The following OSBPL6 variants were observed in gnomAD, a reference collection of about 807,000 sequenced individuals.
OSBPL6 encodes oxysterol binding protein like 6.
Under a neutral mutation model 125.8 loss-of-function variants are expected in OSBPL6, and 49 were observed. The observed-to-expected ratio is 0.39, with a 90% CI of 0.31 to 0.49. The LOEUF is 0.49. OSBPL6 is among the 20% of genes least tolerant of loss of function. The pLI is 0.88. For missense variants in OSBPL6, 986 were observed against 1,135.4 expected (o/e 0.87, Z 1.89); for synonymous variants, 394 against 391.8 (o/e 1.01, Z -0.07).
intron 12 of OSBPL6, among the ~76,000 whole-genome samples, chr2:178,351,731 A>T (rs1330134648): frequency 6.6e-6 from 1 of 152,222 alleles, no homozygotes; most frequent in Admixed American, 6.5e-5. Context: ...CAGCAAACTG[A>T]CGCAGGAACA....
intron 1 of OSBPL6, among the ~76,000 whole-genome samples, chr2:178,278,977 G>T (rs1333334500): frequency 6.6e-6 from 1 of 152,202 alleles, no homozygotes; most frequent in Non-Finnish European, 1.5e-5. Context: ...TGTAGAAATG[G>T]TGTGAGCATT....
At chr2:178,348,103 T>C (rs149647042) in intron 11 of OSBPL6, among the ~76,000 whole-genome samples, 8 of 152,302 alleles carry the variant, frequency 5.3e-5, no homozygotes, top group East Asian at 1.9e-4. Flanking sequence ...CCTCTTCTCC[T>C]TCCCCCTTTC....
intron 11 of OSBPL6, chr2:178,344,223 C>G (rs1470922690): frequency 1.5e-6 from 2 of 1,364,070 alleles, no homozygotes; most frequent in African/African-American, 2.9e-5. Flanking sequence ...TTTCATCCTC[C>G]CATCTTCCAT....
At chr2:178,203,650 C>T (rs182438851) in intron 1 of OSBPL6, among the ~76,000 whole-genome samples, 1 of 152,200 alleles carries the variant, frequency 6.6e-6, no homozygotes, top group African/African-American at 2.4e-5. Flanking sequence ...GGGAATTTTA[C>T]CTTGTTGGGT....
intron 2 of OSBPL6, among the ~76,000 whole-genome samples, chr2:178,296,328 C>A (rs949039371): frequency 6.6e-6 from 1 of 152,122 alleles, no homozygotes; most frequent in Non-Finnish European, 1.5e-5. Context: ...TTATTACTAT[C>A]CCTGTTTTAT....
chr2:178,236,049 T>G (rs548253337), intron 1 of OSBPL6, among the ~76,000 whole-genome samples: 1 of 152,316 alleles, frequency 6.6e-6, no homozygotes, highest in South Asian at 2.1e-4. Flanking sequence ...TAGACTTTTT[T>G]TTTACAAGTT....
Position 178,385,488 on chromosome 2 carries a change from C to T in OSBPL6, c.2044C>T (p.His682Tyr). The T allele has an allele frequency of 6.2e-7, 1 of 1,611,588 alleles. No individual in the cohort carries two copies. The highest frequency in any genetic ancestry group is 1.1e-5 in the South Asian group (1 of 90,990). Residue 682 changes from histidine (H) to tyrosine (Y), a missense_variant, in exon 19 of 25, where the codon CAC becomes TAC. Transcript: ENST00000190611. ...CCATCATCCACCCATTTCTGCCTGT[C>T]ACTGTGAATCAAAGAATTTTGTGTT... is the stretch of plus-strand genomic sequence containing the variant. ...VSHHPPISAC[H>Y]CESKNFVFWQ...
intron 2 of OSBPL6, among the ~76,000 whole-genome samples, chr2:178,286,980 T>G (rs1482376747): frequency 6.6e-6 from 1 of 152,130 alleles, no homozygotes; most frequent in Non-Finnish European, 1.5e-5. Context: ...TGCGTAATGT[T>G]TCTGTCAATT....
intron 3 of OSBPL6, among the ~76,000 whole-genome samples, chr2:178,317,292 A>G (rs1233295688): frequency 6.6e-6 from 1 of 151,190 alleles, no homozygotes; most frequent in East Asian, 1.9e-4. Context: ...GAAGGATATT[A>G]TGCCACATAG....
chr2:178,252,807 T>A (rs2091744463), intron 1 of OSBPL6, among the ~76,000 whole-genome samples: 1 of 152,162 alleles, frequency 6.6e-6, no homozygotes, highest in South Asian at 2.1e-4. Flanking sequence ...TGAAATAACT[T>A]CATGATACAA....
intron 14 of OSBPL6, 126 bp downstream of exon 14, chr2:178,372,359 A>T: frequency 1.6e-6 from 1 of 620,488 alleles, no homozygotes; most frequent in Non-Finnish European, 2.7e-6. Flanking sequence ...TATTTGTGTC[A>T]CTGACAGTTC....
At chr2:178,344,628 T>A (rs539177614) in intron 11 of OSBPL6, among the ~76,000 whole-genome samples, 233 of 152,216 alleles carry the variant, frequency 1.5e-3, no homozygotes, top group Non-Finnish European at 2.6e-3. Context: ...CAAAATTGAG[T>A]ACAGTGCCCC....
At chr2:178,218,038 G>A (rs868123009) in intron 1 of OSBPL6, among the ~76,000 whole-genome samples, 1 of 152,132 alleles carries the variant, frequency 6.6e-6, no homozygotes, top group Non-Finnish European at 1.5e-5. Context: ...GACGTTCTTT[G>A]TACTGTTCTG....
chr2:178,373,781 G>A (rs569642303), intron 14 of OSBPL6, 109 bp from the exon 15 acceptor site: 9 of 1,366,708 alleles, frequency 6.6e-6, no homozygotes, highest in South Asian at 6.0e-5. Flanking sequence ...GCTTGTGGCT[G>A]CCACTTTTTA....
chr2:178,203,764 T>G (rs1410177106), intron 1 of OSBPL6, among the ~76,000 whole-genome samples: 1 of 152,228 alleles, frequency 6.6e-6, no homozygotes, highest in Non-Finnish European at 1.5e-5. Context: ...GCTTTAAGAT[T>G]TGTTTAGTGG....
chr2:178,235,097 G>A (rs892092403), intron 1 of OSBPL6, among the ~76,000 whole-genome samples: 1 of 152,112 alleles, frequency 6.6e-6, no homozygotes, highest in Admixed American at 6.5e-5. Flanking sequence ...TAATAAATGG[G>A]TTATTTGTTA....
intron 1 of OSBPL6, among the ~76,000 whole-genome samples, chr2:178,236,566 A>G (rs1013395706): frequency 6.6e-6 from 1 of 152,192 alleles, no homozygotes; most frequent in Non-Finnish European, 1.5e-5. Context: ...TACCACCAGC[A>G]TGTGCTGTGG....
chr2:178,274,051 T>C (rs1017608555), intron 1 of OSBPL6, among the ~76,000 whole-genome samples: 4 of 152,206 alleles, frequency 2.6e-5, no homozygotes, highest in Non-Finnish European at 5.9e-5. Flanking sequence ...GAGATGCCCA[T>C]TGATTTGCTG....
chr2:178,380,619 A>C (rs1413914505), intron 15 of OSBPL6, among the ~76,000 whole-genome samples: 17 of 152,120 alleles, frequency 1.1e-4, no homozygotes, highest in Admixed American at 1.1e-3. Flanking sequence ...TCAGGAGAGC[A>C]ATTTGGCAAC....
Sources: allele counts gnomAD v4.1 joint callset (sites outside exome capture counted in the v4.1 genomes callset), GRCh38; gene constraint gnomAD v4.1.1; transcripts MANE v1.5; gene names NCBI Gene and HGNC (gene_info 2026-07-23, HGNC 2026-07-21).